Variants in MTA2 observed in about 807,000 individuals in gnomAD.
MTA2 encodes metastasis associated 1 family member 2.
A neutral mutation model predicts 87.1 loss-of-function variants in MTA2; 22 were observed. That is an observed-to-expected ratio of 0.25 (90% confidence interval 0.18 to 0.36). The LOEUF (loss-of-function observed/expected upper bound fraction) is 0.36, where lower values mean the gene tolerates loss of function less well. MTA2 is among the 10% of genes least tolerant of loss of function. The pLI, the probability that MTA2 is intolerant of heterozygous loss-of-function variation, is 1.00. For synonymous variants in MTA2, 314 were observed against 310.1 expected (o/e 1.01, Z -0.13); for missense variants, 542 against 853.2 (o/e 0.64, Z 4.54).
chr11:62,601,297 T>TCCGGTC (rs1412546639), intron 1 of MTA2, 126 bp downstream of exon 1: 1 of 1,234,748 alleles, frequency 8.1e-7, no homozygotes, highest in East Asian at 2.8e-5. Flanking sequence ...CGGTTCCGGT[T>TCCGGTC]CCGGTCCGCG....
chr11:62,596,420 G>A (rs1435599959), intron 10 of MTA2, 38 bp downstream of exon 10: 2 of 1,612,842 alleles, frequency 1.2e-6, no homozygotes, highest in Admixed American at 3.3e-5. Flanking sequence ...GAGGTCAGCA[G>A]GTAGCCTATG....
At position 62,595,048 on chromosome 11, in the gene MTA2, G is replaced by A. The variant is rs748903851; in HGVS notation, c.1506C>T (p.Ala502=). 6.2e-6 allele frequency: 10 copies of A among 1,614,074 alleles called. No individual in the cohort carries two copies. The highest frequency in any genetic ancestry group is 1.1e-5 in the South Asian group (1 of 91,064). Residue 502 remains alanine (A), a synonymous_variant, in exon 15 of 18, where the codon GCC becomes GCT. Coordinates refer to ENST00000278823, the MANE Select transcript of MTA2 (RefSeq NM_004739.4). This position sits in a 1 kb window ranked among gnomAD's most constrained non-coding sequence, Gnocchi z 4.9. The stretch of plus-strand genomic sequence containing the variant: ...GGTGAATCTTCAATGGAGTCTTGGC[G>A]GCCTTAGGAAGTCGAATGGAGCCTG... The part of the protein sequence containing the change: ...KAECSIRLPK[A]AKTPLKIHPL...
chr11:62,596,763 C>A lies in MTA2; in HGVS notation c.756G>T (p.Leu252=). The part of the protein sequence containing the change: ...GYDLAKAMST[L]VPQGGPVLCR... ...ACAGCACCGGGCCTCCCTGGGGTAC[C>A]AGGGTCGACATGGCCTTAGCCAGGT... Residue 252 remains leucine (L), a synonymous_variant, in exon 9 of 18, where the codon CTG becomes CTT. Coordinates refer to ENST00000278823, the MANE Select transcript of MTA2 (RefSeq NM_004739.4). 1.9e-6 allele frequency: 3 copies of A among 1,614,112 alleles called. No homozygotes were observed. The highest frequency in any genetic ancestry group is 2.5e-6 in the Non-Finnish European group (3 of 1,179,980).
intron 15 of MTA2, 61 bp from the exon 16 acceptor site, chr11:62,594,695 C>T: frequency 6.8e-7 from 1 of 1,471,220 alleles, no homozygotes; most frequent in Non-Finnish European, 9.5e-7. Context: ...TTTGTTACTT[C>T]CATCTCTCTT....
chr11:62,594,796 G>A (rs1942075416), intron 15 of MTA2, among the ~76,000 whole-genome samples, 162 bp from the exon 16 acceptor site: 1 of 152,156 alleles, frequency 6.6e-6, no homozygotes, highest in Non-Finnish European at 1.5e-5. Flanking sequence ...ATATCAGTAT[G>A]ACCTTATCAA....
chr11:62,599,514 G>A (rs2849030), intron 3 of MTA2, among the ~76,000 whole-genome samples: 99,396 of 151,680 alleles, frequency 0.66, 33,079 homozygotes, highest in East Asian at 0.94. Flanking sequence ...GTCTGAAAAA[G>A]GAAAATAATT....
At position 62,601,330 on chromosome 11, in the gene MTA2, C is replaced by T; in HGVS notation, c.28+93G>A. On this transcript the variant is annotated intron_variant, in intron 1 of 17. Coordinates refer to ENST00000278823, the MANE Select transcript of MTA2 (RefSeq NM_004739.4). ...GCGCTCCGGTCCACGCTGCCCCATA[C>T]GCTGCGCCTCGCGCCACCCGGTGCC... 2.7e-6 allele frequency: 4 copies of T among 1,484,194 alleles called. No individual in the cohort carries two copies. In the South Asian group the frequency reaches 3.6e-5, roughly 13 times the overall value. 91.9% of individuals were successfully genotyped at this position (1,484,194 alleles called of 1,614,324 possible).
rs112111038 is a variant in MTA2, at chr11:62,597,066, G to A, written c.694-241C>T. Among the ~76,000 whole-genome samples, 10 of 152,286 alleles carry A rather than the reference G, an allele frequency of 6.6e-5. 1 individual carries two copies. The highest frequency in any genetic ancestry group is 2.4e-4 in the African/African-American group (10 of 41,566). On this transcript the variant is annotated intron_variant, in intron 8 of 17. Coordinates refer to ENST00000278823, the MANE Select transcript of MTA2 (RefSeq NM_004739.4). ...TAGCCAGGCGTGGTGGCGGGTGCCT[G>A]TAGTCCCAGCTATTCGGGAGGCTGA...
At position 62,597,391 on chromosome 11, in the gene MTA2, G is replaced by C. The variant is rs144283248; in HGVS notation, c.618C>G (p.Ala206=). ...VARAVGTFAR[A]LDCSSSIRQP... ...GCCGAATGGAGCTGCTACAATCTAG[G>C]GCTCTTGCAAAGGTTCCCACAGCTC... Residue 206 remains alanine, a synonymous_variant, in exon 8 of 18, where the codon GCC becomes GCG. Coordinates refer to ENST00000278823, the MANE Select transcript of MTA2 (RefSeq NM_004739.4). 56 of 1,611,906 alleles carry C rather than the reference G, an allele frequency of 3.5e-5. No homozygotes were observed. In the East Asian group the frequency reaches 4.7e-4, roughly 13 times the overall value.
chr11:62,597,154 A>G (rs1301164641), intron 8 of MTA2, among the ~76,000 whole-genome samples, 162 bp downstream of exon 8: 1 of 151,034 alleles, frequency 6.6e-6, no homozygotes, highest in East Asian at 1.9e-4. Flanking sequence ...GCGCCACTGC[A>G]CTCCAGCCTG....
At chr11:62,596,386 A>G (rs1942099288) in intron 10 of MTA2, 49 bp from the exon 11 acceptor site, 3 of 1,613,222 alleles carry the variant, frequency 1.9e-6, no homozygotes, top group African/African-American at 2.7e-5. Flanking sequence ...CATAGCAGGG[A>G]GAATGTCATC....
chr11:62,596,691 A>AAAT lies in MTA2; in HGVS notation c.825_827dup (p.Leu275dup). The AAAT allele has an allele frequency of 2.5e-6, 4 of 1,614,004 alleles. No individual in the cohort carries two copies. The highest frequency in any genetic ancestry group is 3.4e-6 in the Non-Finnish European group (4 of 1,179,936). On this transcript the variant is annotated inframe_insertion, in exon 9 of 18. Coordinates refer to ENST00000278823, the MANE Select transcript of MTA2 (RefSeq NM_004739.4). ...TCCCATACTTCTCTAGGGCCTCCTC[A>AAAT]AATAGCATGGCCTCTGAGGCTGACC...
chr11:62,596,690 C>T lies in MTA2; in HGVS notation c.829G>A (p.Glu277Lys), dbSNP rs754692134. The T allele has an allele frequency of 1.2e-6, 2 of 1,613,908 alleles. No individual in the cohort carries two copies. The change falls in exon 9 of 18, where the codon GAG (glutamate) becomes AAG (lysine). Residue 277 changes from glutamate (E) to lysine (K), a missense_variant. Physicochemically the swap from Glu to Lys is moderately conservative, Grantham distance 56. This residue lies in a region of MTA2 where 33 missense variants were observed against 31.7 expected (regional missense o/e 1.04). Transcript: ENST00000278823. ...TTCCCATACTTCTCTAGGGCCTCCT[C>T]AAATAGCATGGCCTCTGAGGCTGAC... ...EWSASEAMLF[E>K]EALEKYGKDF...
intron 15 of MTA2, 117 bp downstream of exon 15, chr11:62,594,864 G>A (rs1942076782): frequency 3.0e-6 from 3 of 1,003,538 alleles, no homozygotes; most frequent in Non-Finnish European, 4.5e-6. Flanking sequence ...CAAAAGTACA[G>A]TTTGTTAGAC....
intron 10 of MTA2, 55 bp from the exon 11 acceptor site, chr11:62,596,392 T>A: frequency 6.2e-7 from 1 of 1,612,954 alleles, no homozygotes; most frequent in Non-Finnish European, 8.5e-7. Context: ...AGGGAGAATG[T>A]CATCAACTTC....
intron 10 of MTA2, 36 bp downstream of exon 10, chr11:62,596,422 T>TC (rs1942099950): frequency 1.2e-6 from 2 of 1,613,026 alleles, no homozygotes; most frequent in Non-Finnish European, 1.7e-6. Flanking sequence ...GGTCAGCAGG[T>TC]AGCCTATGGT....
intron 1 of MTA2, 89 bp from the exon 2 acceptor site, chr11:62,600,778 T>A: frequency 8.5e-7 from 1 of 1,177,060 alleles, no homozygotes; most frequent in Non-Finnish European, 1.2e-6. Context: ...TTGGCCTGAG[T>A]GGATCAAAAG....
intron 3 of MTA2, among the ~76,000 whole-genome samples, chr11:62,599,720 G>A (rs1031154145): frequency 1.5e-4 from 23 of 152,092 alleles, no homozygotes; most frequent in African/African-American, 5.6e-4. Context: ...AAAAGCGCAA[G>A]AAAACTTCCA....
rs970034651 is a variant in MTA2 at position 62,595,875 on chromosome 11, C to T, written c.1131G>A (p.Gln377=). 6.2e-7 allele frequency: 1 copy of T among 1,614,170 alleles called. No homozygotes were observed. The highest frequency in any genetic ancestry group is 1.7e-5 in the Admixed American group (1 of 60,022). Residue 377 remains glutamine (Q), a synonymous_variant, in exon 13 of 18, where the codon CAG becomes CAA. Coordinates refer to ENST00000278823, the MANE Select transcript of MTA2 (RefSeq NM_004739.4). The surrounding 1 kb of genome is among the most constrained non-coding windows in gnomAD (Gnocchi z 4.9). ...TGTTAGGTGGGCCCCAGGCATACCA[C>T]TGAGCAGACTGTGTGGCTGTAGAGT... ...CESCHTTQSA[Q]WYAWGPPNMQ... is the part of the protein sequence containing the mutation.
Sources: allele counts gnomAD v4.1 joint callset (sites outside exome capture counted in the v4.1 genomes callset), GRCh38; gene constraint gnomAD v4.1.1; regional missense constraint gnomAD v4.1.1; non-coding constraint Gnocchi (gnomAD v3.1); transcripts MANE v1.5; gene names NCBI Gene and HGNC (gene_info 2026-07-23, HGNC 2026-07-21).